The following DYDC1 variants were observed in gnomAD, a reference collection of about 807,000 sequenced individuals.
DYDC1 encodes DPY30 domain-containing protein 1.
Under a neutral mutation model 27.9 loss-of-function variants are expected in DYDC1, and 21 were observed. The ratio of observed to expected loss-of-function variants is 0.75; its 90% CI spans 0.53 to 1.08. The LOEUF (loss-of-function observed/expected upper bound fraction) is 1.08. DYDC1 is among the 50% of genes least tolerant of loss of function. The pLI is 0.00. For missense variants in DYDC1, 202 were observed against 205.9 expected (o/e 0.98, Z 0.12); for synonymous variants, 67 against 65.8 (o/e 1.02, Z -0.09).
chr10:80,344,233 C>T (rs966823461), intron 3 of DYDC1, among the ~76,000 whole-genome samples: 7 of 152,128 alleles, frequency 4.6e-5, no homozygotes, highest in African/African-American at 1.4e-4. Context: ...GTTATGAAAG[C>T]AAGGAAAGAT....
chr10:80,337,253 G>C (rs913181139), intron 6 of DYDC1: 1 of 985,260 alleles, frequency 1.0e-6, no homozygotes, highest in Admixed American at 6.2e-5. Flanking sequence ...TTCCCCATTG[G>C]CCCACGGCCC....
chr10:80,340,644 C>T (rs919171618), intron 4 of DYDC1, among the ~76,000 whole-genome samples: 12 of 152,076 alleles, frequency 7.9e-5, no homozygotes, highest in Non-Finnish European at 1.6e-4. Context: ...TTGATATGTT[C>T]CTGTATTTTC....
intron 1 of DYDC1, among the ~76,000 whole-genome samples, chr10:80,355,096 GA>G (rs79869965): frequency 0.018 from 2,600 of 142,496 alleles, 72 homozygotes; most frequent in African/African-American, 0.061. Flanking sequence ...TACATTTACT[GA>G]AAAAAAAAAA....
intron 3 of DYDC1, among the ~76,000 whole-genome samples, chr10:80,350,919 A>G: frequency 6.6e-6 from 1 of 152,142 alleles, no homozygotes; most frequent in Non-Finnish European, 1.5e-5. Context: ...ATGCTACCCC[A>G]ATCCTGCTTC....
At chr10:80,341,442 CAAAAAAAAAAA>C (rs58419721) in intron 4 of DYDC1, among the ~76,000 whole-genome samples, 3 of 46,802 alleles carry the variant, frequency 6.4e-5, no homozygotes, top group Non-Finnish European at 1.3e-4. Flanking sequence ...GACTCTGTCT[CAAAAAAAAAAA>C]AAAAAAAAAA....
In DYDC1 at chr10:80,338,497, C is replaced by T; in HGVS notation, c.474G>A (p.Val158=). ...AAAACATTGGTTCATCAAGTTCTTC[C>T]ACTCTGCTCAAGTTAGGTGCTCCAT... is the stretch of plus-strand genomic sequence containing the variant. ...DRYGAPNLSR[V]EELDEPMFSD... Residue 158 remains valine (V), a synonymous_variant, in exon 6 of 7, where the codon GTG becomes GTA. Transcript: ENST00000372202. 6.2e-7 allele frequency: 1 copy of T among 1,613,266 alleles called. No homozygotes were observed. Among genetic ancestry groups the T allele is most frequent in the East Asian group, 2.2e-5 (1 of 44,820 alleles).
At chr10:80,337,473 A>C (rs1842172007) in intron 6 of DYDC1, 1 of 979,036 alleles carries the variant, frequency 1.0e-6, no homozygotes. Context: ...ATCTCCTGAC[A>C]CCTACTTCTC....
At chr10:80,354,524 C>T (rs1843237188) in intron 1 of DYDC1, 1 of 150,630 alleles carries the variant, frequency 6.6e-6, no homozygotes, top group Non-Finnish European at 1.5e-5. Flanking sequence ...TATTATAGGT[C>T]AGGCACCATG....
At position 80,337,537 on chromosome 10, in the gene DYDC1, CAT is replaced by C. The variant is rs1185848510; in HGVS notation, c.504+928_504+929del. 8 of 591,486 alleles carry C rather than the reference CAT, an allele frequency of 1.4e-5. No individual in the cohort carries two copies. The African/African-American group carries it at 1.6e-4, about 12-fold the overall frequency. 36.6% of individuals were successfully genotyped at this position (591,486 alleles called of 1,614,324 possible). A position where few individuals can be genotyped will look rare whatever the true frequency, so the allele number is the denominator to read the frequency against. On this transcript the variant is annotated intron_variant, in intron 6 of 6. Coordinates refer to ENST00000372202, the MANE Select transcript of DYDC1 (RefSeq NM_001269053.2). ...GGTCTTTGCAAAATGTAGCTCTCAT[CAT>C]ATGAGTCTCCACTGCCTTCAGGATA...
intron 2 of DYDC1, 124 bp from the exon 3 acceptor site, chr10:80,352,126 G>A: frequency 1.2e-6 from 1 of 853,876 alleles, no homozygotes; most frequent in Non-Finnish European, 1.8e-6. Flanking sequence ...GCCCATCCCT[G>A]TGGAAATGAT....
chr10:80,352,624 GT>G lies in DYDC1; in HGVS notation c.-9-15del. 2 of 1,591,816 alleles carry G rather than the reference GT, an allele frequency of 1.3e-6. No individual in the cohort carries two copies. The highest frequency in any genetic ancestry group is 1.2e-5 in the South Asian group (1 of 86,424). On this transcript the variant is annotated splice_polypyrimidine_tract_variant and intron_variant, in intron 1 of 6. Coordinates refer to ENST00000372202, the MANE Select transcript of DYDC1 (RefSeq NM_001269053.2). ...CATTTCTAACTCCTAAAAAGTAAGTGTTTTTGCATTACTGCAGGATATTTTC... is the reference window on the plus strand; with the variant it reads ...CATTTCTAACTCCTAAAAAGTAAGTGTTTTGCATTACTGCAGGATATTTTC...
intron 3 of DYDC1, among the ~76,000 whole-genome samples, chr10:80,351,441 T>G (rs1010077898): frequency 7.9e-5 from 12 of 152,146 alleles, no homozygotes; most frequent in Non-Finnish European, 1.8e-4. Context: ...AAAATCTCCT[T>G]GAAAGCATTG....
chr10:80,347,440 G>A (rs1469236119), intron 3 of DYDC1, among the ~76,000 whole-genome samples: 1 of 152,018 alleles, frequency 6.6e-6, no homozygotes, highest in Non-Finnish European at 1.5e-5. Context: ...CTGTGCAAGA[G>A]CATTTTAGTT....
At chr10:80,341,860 A>G (rs1842331143) in intron 4 of DYDC1, among the ~76,000 whole-genome samples, 1 of 151,980 alleles carries the variant, frequency 6.6e-6, no homozygotes, top group Admixed American at 6.5e-5. Flanking sequence ...CCCTGTCTCT[A>G]CCAAAAATAC....
intron 1 of DYDC1, among the ~76,000 whole-genome samples, chr10:80,353,688 G>A (rs1843151998): frequency 6.6e-6 from 1 of 151,536 alleles, no homozygotes; most frequent in Admixed American, 6.6e-5. Flanking sequence ...TCTGCCAGCT[G>A]TGTGATCCTG....
At chr10:80,350,584 C>T (rs1259285573) in intron 3 of DYDC1, among the ~76,000 whole-genome samples, 1 of 152,176 alleles carries the variant, frequency 6.6e-6, no homozygotes, top group Non-Finnish European at 1.5e-5. Flanking sequence ...ACAGCCCTAT[C>T]CTTCTAAGGG....
intron 4 of DYDC1, among the ~76,000 whole-genome samples, chr10:80,339,817 C>T (rs2132746152): frequency 6.6e-6 from 1 of 152,262 alleles, no homozygotes; most frequent in African/African-American, 2.4e-5. Context: ...TATGGTCACC[C>T]TAATGATAGG....
chr10:80,342,523 T>C (rs2132758055), intron 3 of DYDC1, among the ~76,000 whole-genome samples, 162 bp from the exon 4 acceptor site: 1 of 152,390 alleles, frequency 6.6e-6, no homozygotes, highest in Middle Eastern at 3.4e-3. Context: ...AAAAAGATTT[T>C]AATCTTCCTT....
intron 1 of DYDC1, chr10:80,356,374 C>G: frequency 1.0e-6 from 1 of 985,778 alleles, no homozygotes; most frequent in Non-Finnish European, 1.2e-6. Context: ...AGACAGCTAG[C>G]CAGCCAGCCA....
Sources: allele counts gnomAD v4.1 joint callset (sites outside exome capture counted in the v4.1 genomes callset), GRCh38; gene constraint gnomAD v4.1.1; transcripts MANE v1.5; gene names NCBI Gene and HGNC (gene_info 2026-07-23, HGNC 2026-07-21).